The following PDIA5 variants were observed in gnomAD, a reference collection of about 807,000 sequenced individuals.
PDIA5 encodes the protein protein disulfide-isomerase A5.
PDIA5 carries 58 observed loss-of-function variants against 77.6 expected under a neutral mutation model. The ratio of observed to expected loss-of-function variants is 0.75; its 90% CI spans 0.61 to 0.93. The LOEUF is 0.93. PDIA5 is among the 40% of genes least tolerant of loss of function. The pLI, the probability that PDIA5 is intolerant of heterozygous loss-of-function variation, is 0.00. For missense variants in PDIA5, 630 were observed against 647.7 expected (o/e 0.97, Z 0.30); for synonymous variants, 250 against 252.1 (o/e 0.99, Z 0.08).
At chr3:123,128,022 TC>T in intron 10 of PDIA5, among the ~76,000 whole-genome samples, 1 of 152,272 alleles carries the variant, frequency 6.6e-6, no homozygotes, top group South Asian at 2.1e-4. Context: ...TCTCACTCAG[TC>T]CCTCTCTTCC....
At chr3:123,113,750 A>T (rs1934925361) in intron 7 of PDIA5, among the ~76,000 whole-genome samples, 1 of 152,194 alleles carries the variant, frequency 6.6e-6, no homozygotes, top group African/African-American at 2.4e-5. Context: ...CTTTGGTCAC[A>T]TGTTGGGTGA....
chr3:123,090,447 A>G (rs932477734), intron 2 of PDIA5, among the ~76,000 whole-genome samples: 1 of 152,140 alleles, frequency 6.6e-6, no homozygotes, highest in Non-Finnish European at 1.5e-5. Context: ...ATATAAGCTC[A>G]TCATAATACA....
At chr3:123,159,173 T>C (rs1177162727) in intron 15 of PDIA5, among the ~76,000 whole-genome samples, 1 of 152,244 alleles carries the variant, frequency 6.6e-6, no homozygotes, top group Non-Finnish European at 1.5e-5. Context: ...GCCATGTTCA[T>C]CCAGCACTTT....
intron 15 of PDIA5, 27 bp downstream of exon 15, chr3:123,155,068 A>T (rs1339128009): frequency 6.7e-7 from 1 of 1,486,212 alleles, no homozygotes; most frequent in South Asian, 1.1e-5. Context: ...TCATCTCTTG[A>T]TCTGCCTGCA....
rs1299568500 is a variant in PDIA5 at position 123,161,469 on chromosome 3, A to G, written c.1479+14A>G. 2.5e-6 allele frequency: 4 copies of G among 1,612,078 alleles called. No homozygotes were observed. Among genetic ancestry groups the G allele is most frequent in the Admixed American group, 1.7e-5 (1 of 59,918 alleles). ...AGCGACCGCACAGTAAGTGGGGGAG[A>G]GGCGTCTGCCCAGAGCTCTCTCTCT... On this transcript the variant is annotated intron_variant, in intron 16 of 16. Transcript: ENST00000316218.
At position 123,093,683 on chromosome 3, in the gene PDIA5, G is replaced by A. The variant is rs116736454; in HGVS notation, c.257+1241G>A. 4.9e-3 allele frequency among the ~76,000 whole-genome samples: 743 copies of A among 152,328 alleles called. 6 individuals are homozygous for A. Among genetic ancestry groups the A allele is most frequent in the African/African-American group, 0.017 (691 of 41,572 alleles). On this transcript the variant is annotated intron_variant, in intron 3 of 16. Coordinates refer to ENST00000316218, the MANE Select transcript of PDIA5 (RefSeq NM_006810.4). ...TAACTGCATCCTCAAGGAGCTCAGTGTGTGAGGAGAAGGCAGACACTTAGC... is the reference window on the plus strand; with the variant it reads ...TAACTGCATCCTCAAGGAGCTCAGTATGTGAGGAGAAGGCAGACACTTAGC...
chr3:123,107,389 T>C (rs1317735725), intron 6 of PDIA5, among the ~76,000 whole-genome samples: 2 of 152,114 alleles, frequency 1.3e-5, no homozygotes, highest in African/African-American at 4.8e-5. Flanking sequence ...TTCTTAAGTA[T>C]TTAACAAAAG....
intron 14 of PDIA5, among the ~76,000 whole-genome samples, chr3:123,151,976 C>T (rs1386336143): frequency 1.4e-5 from 2 of 140,866 alleles, no homozygotes; most frequent in African/African-American, 3.1e-5. Context: ...TTCCTTCCTG[C>T]CTTCCTTCCT....
chr3:123,089,327 A>T lies in PDIA5; in HGVS notation c.169+33A>T, dbSNP rs767170147. The T allele has an allele frequency of 1.9e-6, 3 of 1,608,608 alleles. No homozygotes were observed. In the Admixed American group the frequency reaches 5.0e-5, roughly 27 times the overall value. Reference sequence around the variant, plus strand: ...TCCCTTCCTGGCCTTGAGGTCAACCATCGGGGTAGGATGGGATTCAGGGGA... The same window carrying T: ...TCCCTTCCTGGCCTTGAGGTCAACCTTCGGGGTAGGATGGGATTCAGGGGA... On this transcript the variant is annotated intron_variant, in intron 2 of 16. Transcript: ENST00000316218.
At chr3:123,116,180 G>C in intron 7 of PDIA5, 51 bp from the exon 8 acceptor site, 9 of 1,493,808 alleles carry the variant, frequency 6.0e-6, no homozygotes, top group Non-Finnish European at 7.5e-6. Context: ...AGGGTGCAAG[G>C]GCTCAGCCAT....
chr3:123,072,175 C>T (rs1298342148), intron 1 of PDIA5, among the ~76,000 whole-genome samples: 5 of 152,154 alleles, frequency 3.3e-5, no homozygotes, highest in African/African-American at 1.2e-4. Context: ...TTACTTTCCT[C>T]TCTGTTATCT....
At chr3:123,085,260 C>T (rs1221295371) in intron 1 of PDIA5, among the ~76,000 whole-genome samples, 1 of 152,180 alleles carries the variant, frequency 6.6e-6, no homozygotes, top group Admixed American at 6.5e-5. Flanking sequence ...GGGGCCCTGC[C>T]CTCCTCCAGA....
chr3:123,160,798 C>T (rs1321324658), intron 15 of PDIA5, among the ~76,000 whole-genome samples: 3 of 152,080 alleles, frequency 2.0e-5, no homozygotes, highest in African/African-American at 4.8e-5. Flanking sequence ...TATTATTATC[C>T]CCATTTTACA....
chr3:123,161,285 A>T, intron 15 of PDIA5, 36 bp from the exon 16 acceptor site: 11 of 1,605,856 alleles, frequency 6.8e-6, no homozygotes, highest in Non-Finnish European at 9.4e-6. Context: ...CAGCCTGGGG[A>T]CACCCTGTGC....
At chr3:123,096,647 T>C (rs1934449327) in intron 3 of PDIA5, among the ~76,000 whole-genome samples, 1 of 152,222 alleles carries the variant, frequency 6.6e-6, no homozygotes, top group South Asian at 2.1e-4. Context: ...TTCTCCCCGG[T>C]CCAGGCCCTG....
intron 11 of PDIA5, among the ~76,000 whole-genome samples, chr3:123,132,705 G>A (rs1196227300): frequency 6.6e-6 from 1 of 152,218 alleles, no homozygotes; most frequent in African/African-American, 2.4e-5. Context: ...GCTGCTGCTG[G>A]AAGCGAGTCT....
intron 1 of PDIA5, among the ~76,000 whole-genome samples, chr3:123,078,206 T>C (rs1227523236): frequency 6.6e-6 from 1 of 152,102 alleles, no homozygotes; most frequent in Non-Finnish European, 1.5e-5. Flanking sequence ...TTCCATATAA[T>C]AGTTATGAAA....
intron 6 of PDIA5, among the ~76,000 whole-genome samples, chr3:123,107,423 C>T (rs971943254): frequency 8.5e-5 from 13 of 152,114 alleles, no homozygotes; most frequent in African/African-American, 1.4e-4. Flanking sequence ...GTTGTGGTAG[C>T]GGGTGCCTGT....
intron 11 of PDIA5, among the ~76,000 whole-genome samples, chr3:123,139,998 G>A (rs1287065047): frequency 1.3e-5 from 2 of 152,198 alleles, no homozygotes; most frequent in African/African-American, 4.8e-5. Flanking sequence ...AGGATATTGG[G>A]AGAGGGCATG....
Sources: allele counts gnomAD v4.1 joint callset (sites outside exome capture counted in the v4.1 genomes callset), GRCh38; gene constraint gnomAD v4.1.1; transcripts MANE v1.5; gene names NCBI Gene and HGNC (gene_info 2026-07-23, HGNC 2026-07-21).